GRAMD1B: variants seen among roughly 807,000 people sequenced by gnomAD.
The protein encoded by GRAMD1B is GRAM domain containing 1B.
Under a neutral mutation model 99.7 loss-of-function variants are expected in GRAMD1B, and 37 were observed. That is an observed-to-expected ratio of 0.37 (90% CI 0.29 to 0.49). The LOEUF is 0.49. Ranked by LOEUF, GRAMD1B falls within the 20% of genes least tolerant of loss-of-function variation. GRAMD1B has a pLI of 0.98. For synonymous variants in GRAMD1B, 427 were observed against 387.6 expected (o/e 1.10, Z -1.19); for missense variants, 888 against 1,009.2 (o/e 0.88, Z 1.63).
chr11:123,529,663 T>A (rs1943149366), intron 2 of GRAMD1B, among the ~76,000 whole-genome samples: 1 of 152,102 alleles, frequency 6.6e-6, no homozygotes, highest in Non-Finnish European at 1.5e-5. Context: ...AAGAAATTGG[T>A]TTTTTAAAGA....
At chr11:123,428,059 T>C (rs540578394), upstream of GRAMD1B, among the ~76,000 whole-genome samples, 1 of 152,216 alleles carries the variant, frequency 6.6e-6, no homozygotes, top group Non-Finnish European at 1.5e-5. Flanking sequence ...TTCTGGCCCC[T>C]GTCTTGTGGA....
At chr11:123,464,540 C>T (rs368295191) in intron 1 of GRAMD1B, among the ~76,000 whole-genome samples, 5 of 152,186 alleles carry the variant, frequency 3.3e-5, no homozygotes, top group Admixed American at 2.0e-4. Flanking sequence ...GATAAAGGAC[C>T]GTTTCAATAG....
chr11:123,513,861 G>A (rs1181099503), intron 2 of GRAMD1B, among the ~76,000 whole-genome samples: 2 of 151,850 alleles, frequency 1.3e-5, no homozygotes, highest in Non-Finnish European at 2.9e-5. Context: ...TCACTATGTT[G>A]CCCAGGCTGG....
chr11:123,459,790 C>T (rs750863932), intron 1 of GRAMD1B: 2 of 152,036 alleles, frequency 1.3e-5, no homozygotes, highest in Non-Finnish European at 2.9e-5. Flanking sequence ...TTCTGGAGGG[C>T]AGGGCTGGGT....
chr11:123,562,798 T>C (rs1451814849), intron 2 of GRAMD1B, among the ~76,000 whole-genome samples: 2 of 152,172 alleles, frequency 1.3e-5, no homozygotes, highest in Non-Finnish European at 2.9e-5. Context: ...CTTGGAGGGA[T>C]ATGCACCCCC....
At chr11:123,448,100 C>T (rs535889001) in intron 1 of GRAMD1B, among the ~76,000 whole-genome samples, 4 of 152,208 alleles carry the variant, frequency 2.6e-5, no homozygotes, top group African/African-American at 9.6e-5. Context: ...AACTGCTGGA[C>T]TCAAGCAATC....
chr11:123,430,402 G>A lies in GRAMD1B; in HGVS notation c.-391G>A, dbSNP rs1948816133. ...CAAACCGCTGAGAGTTTGCTGCACCGCCCCCTGGGGCCCCTGGCTGCCGAG... is the reference window on the plus strand; with the variant it reads ...CAAACCGCTGAGAGTTTGCTGCACCACCCCCTGGGGCCCCTGGCTGCCGAG... On this transcript the variant is annotated 5_prime_UTR_variant, in exon 1 of 20. Transcript: ENST00000635736. The A allele has an allele frequency of 9.2e-6, 2 of 217,910 alleles. No homozygotes were observed. Among genetic ancestry groups the A allele is most frequent in the Non-Finnish European group, 1.8e-5 (2 of 111,858 alleles). 13.5% of individuals were successfully genotyped at this position (217,910 alleles called of 1,614,324 possible).
At position 123,467,294 on chromosome 11, in the gene GRAMD1B, G is replaced by A. The variant is rs536342431; in HGVS notation, c.375-13522G>A. On this transcript the variant is annotated intron_variant, in intron 1 of 19. Coordinates refer to ENST00000635736, the MANE Select transcript of GRAMD1B (RefSeq NM_001387025.1). The stretch of plus-strand genomic sequence containing the variant: ...ACCTAGGAGTTTAAGATCAGCCTGG[G>A]CAACATAGGGAGACCCTGTCTCAAT... Among the ~76,000 whole-genome samples the A allele has an allele frequency of 2.6e-5, 4 of 151,862 alleles. No homozygotes were observed. In the East Asian group the frequency reaches 5.8e-4, roughly 22 times the overall value.
At chr11:123,521,829 G>A (rs981445419) in intron 2 of GRAMD1B, among the ~76,000 whole-genome samples, 1 of 152,126 alleles carries the variant, frequency 6.6e-6, no homozygotes, top group African/African-American at 2.4e-5. Context: ...TGGGCTTTGG[G>A]AATTATCTCT....
At chr11:123,493,347 G>A (rs1244346043) in intron 2 of GRAMD1B, among the ~76,000 whole-genome samples, 1 of 152,188 alleles carries the variant, frequency 6.6e-6, no homozygotes, top group Non-Finnish European at 1.5e-5. Flanking sequence ...CACAGTAAGT[G>A]GCAGCTTGTG....
rs371009193 is a variant in GRAMD1B, at chr11:123,605,525, C to T, written c.1323+47C>T. ...CTTCTACCCCCAGTCCTGTGGCCAGCGTTTCCTAGCATAGTTCACTGGGAA... is the reference window on the plus strand; with the variant it reads ...CTTCTACCCCCAGTCCTGTGGCCAGTGTTTCCTAGCATAGTTCACTGGGAA... On this transcript the variant is annotated intron_variant, in intron 10 of 19. Coordinates refer to ENST00000635736, the MANE Select transcript of GRAMD1B (RefSeq NM_001387025.1). 552 of 1,496,330 alleles carry T rather than the reference C, an allele frequency of 3.7e-4. 4 individuals are homozygous for T. In the East Asian group the frequency reaches 6.5e-3, roughly 18 times the overall value. 92.7% of individuals were successfully genotyped at this position (1,496,330 alleles called of 1,614,324 possible).
upstream of GRAMD1B, among the ~76,000 whole-genome samples, chr11:123,426,848 A>G (rs1485084300): frequency 6.6e-6 from 1 of 152,220 alleles, no homozygotes; most frequent in Non-Finnish European, 1.5e-5. Context: ...TCCCCTGGAA[A>G]TTGAATAATA....
At chr11:123,469,014 C>T (rs1458768620) in intron 1 of GRAMD1B, among the ~76,000 whole-genome samples, 1 of 151,912 alleles carries the variant, frequency 6.6e-6, no homozygotes, top group Non-Finnish European at 1.5e-5. Context: ...TGGACATCAG[C>T]AGCGTAGGTG....
intron 3 of GRAMD1B, among the ~76,000 whole-genome samples, chr11:123,580,501 C>T (rs1162554240): frequency 6.6e-6 from 1 of 152,198 alleles, no homozygotes; most frequent in Non-Finnish European, 1.5e-5. Flanking sequence ...GCCAGTGCCT[C>T]TGCTTCTCCC....
chr11:123,619,617 C>A, intron 19 of GRAMD1B: 1 of 788,170 alleles, frequency 1.3e-6, no homozygotes. Context: ...AAATGTTTAC[C>A]GCCCCCTCCT....
chr11:123,598,353 C>A, intron 7 of GRAMD1B: 2 of 1,132,294 alleles, frequency 1.8e-6, no homozygotes, highest in Non-Finnish European at 1.3e-6. Context: ...TTCACTCTAA[C>A]TCTCACTGAT....
chr11:123,489,065 G>A (rs943315171), intron 2 of GRAMD1B, among the ~76,000 whole-genome samples: 1 of 152,052 alleles, frequency 6.6e-6, no homozygotes, highest in African/African-American at 2.4e-5. Flanking sequence ...ACTGGACTAA[G>A]GGGAGAGAAG....
chr11:123,476,576 C>G (rs1484250218), intron 1 of GRAMD1B, among the ~76,000 whole-genome samples: 1 of 152,184 alleles, frequency 6.6e-6, no homozygotes, highest in African/African-American at 2.4e-5. Context: ...GATGTGTTCC[C>G]TGGAGCTTTC....
At chr11:123,598,736 C>A (rs1489871282) in intron 7 of GRAMD1B, 1 of 904,784 alleles carries the variant, frequency 1.1e-6, no homozygotes, top group Non-Finnish European at 1.9e-6. Flanking sequence ...GGGCTCCAGC[C>A]TGCGTCAGAG....
Sources: gnomAD v4.1 joint callset for allele counts (sites outside exome capture counted in the v4.1 genomes callset) on GRCh38, gnomAD v4.1.1 for gene constraint, MANE v1.5 for transcripts, NCBI Gene and HGNC (gene_info 2026-07-23, HGNC 2026-07-21) for gene names.